Variants in TDRD7 observed in about 807,000 individuals in gnomAD.
TDRD7 encodes the protein tudor domain-containing protein 7.
In TDRD7, 47 loss-of-function variants were observed where a neutral mutation model predicts 109.8. The ratio of observed to expected loss-of-function variants is 0.43; its 90% CI spans 0.34 to 0.55. The LOEUF is 0.55. TDRD7 is among the 20% of genes least tolerant of loss of function. The pLI is 0.03. For missense variants in TDRD7, 1,164 were observed against 1,319.2 expected (o/e 0.88, Z 1.82); for synonymous variants, 424 against 457.3 (o/e 0.93, Z 0.93).
intron 4 of TDRD7, among the ~76,000 whole-genome samples, chr9:97,438,096 A>C (rs1054411312): frequency 1.3e-5 from 2 of 152,080 alleles, no homozygotes; most frequent in Non-Finnish European, 2.9e-5. Flanking sequence ...GGAAGCTTCC[A>C]GTTTACATGT....
chr9:97,429,260 T>C (rs531806630), intron 2 of TDRD7, among the ~76,000 whole-genome samples: 1 of 152,338 alleles, frequency 6.6e-6, no homozygotes, highest in South Asian at 2.1e-4. Flanking sequence ...ATAGATAGTA[T>C]AGGCCATTTA....
chr9:97,441,755 A>C lies in TDRD7; in HGVS notation c.735A>C (p.Leu245=). The change falls in exon 6 of 17, where the codon CTA becomes CTC. Residue 245 remains leucine (L), a synonymous_variant. Coordinates refer to ENST00000355295, the MANE Select transcript of TDRD7 (RefSeq NM_014290.3). ...TTCAAAATCGCATAAAGGAAATACTAAACAAGCATAACAATGGCATTTGGA... is the reference window on the plus strand; with the variant it reads ...TTCAAAATCGCATAAAGGAAATACTCAACAAGCATAACAATGGCATTTGGA... ...DEVQNRIKEI[L]NKHNNGIWIS... is the part of the protein sequence containing the mutation. 1.9e-6 allele frequency: 3 copies of C among 1,613,868 alleles called. No homozygotes were observed. The South Asian group carries it at 3.3e-5, about 18-fold the overall frequency.
intron 6 of TDRD7, among the ~76,000 whole-genome samples, chr9:97,458,149 A>C (rs982984324): frequency 6.6e-6 from 1 of 152,204 alleles, no homozygotes; most frequent in Non-Finnish European, 1.5e-5. Flanking sequence ...ATGAACCTAT[A>C]TAATGGAGTA....
At chr9:97,474,361 A>C (rs1028049847) in intron 11 of TDRD7, among the ~76,000 whole-genome samples, 4 of 152,054 alleles carry the variant, frequency 2.6e-5, no homozygotes, top group Non-Finnish European at 4.4e-5. Context: ...TCTTCCCTCT[A>C]ACCCACAAAG....
At chr9:97,435,911 C>T (rs1487790118) in intron 4 of TDRD7, among the ~76,000 whole-genome samples, 1 of 152,010 alleles carries the variant, frequency 6.6e-6, no homozygotes, top group Non-Finnish European at 1.5e-5. Flanking sequence ...TTGAGGTCAC[C>T]AAACCTCTTG....
At chr9:97,492,851 A>C (rs1829330567) in intron 16 of TDRD7, among the ~76,000 whole-genome samples, 1 of 152,214 alleles carries the variant, frequency 6.6e-6, no homozygotes, top group Non-Finnish European at 1.5e-5. Flanking sequence ...TGGAACTATT[A>C]AACTATATGT....
chr9:97,451,283 T>TAC (rs1259844787), intron 6 of TDRD7, among the ~76,000 whole-genome samples: 3 of 152,070 alleles, frequency 2.0e-5, no homozygotes, highest in South Asian at 2.1e-4. Flanking sequence ...ATATCTGCCA[T>TAC]ACACACACAC....
chr9:97,492,186 T>C (rs1829319707), intron 16 of TDRD7, among the ~76,000 whole-genome samples: 1 of 152,200 alleles, frequency 6.6e-6, no homozygotes, highest in Non-Finnish European at 1.5e-5. Context: ...TGTTCAGCTT[T>C]TTGTTTCTTA....
chr9:97,436,048 G>A (rs1587865187), intron 4 of TDRD7, among the ~76,000 whole-genome samples: 1 of 152,026 alleles, frequency 6.6e-6, no homozygotes. Context: ...CAAGAGTTCC[G>A]GTTAAGAACT....
rs763181413 is a variant in TDRD7, at chr9:97,475,458, T to G, written c.2155T>G (p.Leu719Val). The change falls in exon 12 of 17, where the codon TTA (leucine) becomes GTA (valine). Residue 719 changes from leucine to valine, a missense_variant. Transcript: ENST00000355295. ...ICLFHCKGKWLRVEITNVHSS... is the reference protein window; with the variant it reads ...ICLFHCKGKWVRVEITNVHSS... The stretch of plus-strand genomic sequence containing the variant: ...CCTCTTCCATTGCAAAGGAAAATGG[T>G]TACGAGTAGAGGTAAAAATCAGTCA... 6.2e-7 allele frequency: 1 copy of G among 1,612,114 alleles called. No homozygotes were observed. The highest frequency in any genetic ancestry group is 1.1e-5 in the South Asian group (1 of 90,940).
intron 1 of TDRD7, among the ~76,000 whole-genome samples, chr9:97,423,010 A>G (rs1313140752): frequency 1.3e-5 from 2 of 152,190 alleles, no homozygotes; most frequent in East Asian, 3.8e-4. Context: ...GTCTTTGTAT[A>G]GTTTTTGTAT....
intron 15 of TDRD7, among the ~76,000 whole-genome samples, chr9:97,486,562 A>T (rs1057246791): frequency 6.6e-6 from 1 of 151,698 alleles, no homozygotes; most frequent in African/African-American, 2.4e-5. Context: ...AAAATTGCAA[A>T]CTTTTTTTGT....
intron 12 of TDRD7, among the ~76,000 whole-genome samples, chr9:97,478,233 C>T (rs1587890458): frequency 1.3e-5 from 2 of 151,986 alleles, no homozygotes; most frequent in East Asian, 3.9e-4. Context: ...TGCACTCCAG[C>T]CTGGGTGACA....
At chr9:97,441,530 C>A in intron 5 of TDRD7, 128 bp from the exon 6 acceptor site, 1 of 779,362 alleles carries the variant, frequency 1.3e-6, no homozygotes, top group South Asian at 1.6e-5. Context: ...TAATCCTGCT[C>A]CCTTCTAAGT....
At chr9:97,439,482 GA>G (rs1564198722) in intron 5 of TDRD7, among the ~76,000 whole-genome samples, 164 bp downstream of exon 5, 1 of 152,150 alleles carries the variant, frequency 6.6e-6, no homozygotes, top group Non-Finnish European at 1.5e-5. Flanking sequence ...GATCTTAAGA[GA>G]AAATGGTGCC....
At chr9:97,481,396 T>C (rs901369487) in intron 14 of TDRD7, among the ~76,000 whole-genome samples, 1 of 152,244 alleles carries the variant, frequency 6.6e-6, no homozygotes, top group Non-Finnish European at 1.5e-5. Context: ...AAAGTTTATT[T>C]AATCTGCCAT....
At chr9:97,453,136 T>G (rs1828528981) in intron 6 of TDRD7, among the ~76,000 whole-genome samples, 1 of 152,210 alleles carries the variant, frequency 6.6e-6, no homozygotes, top group African/African-American at 2.4e-5. Context: ...TTAGATAAGA[T>G]GGGTTATCGT....
chr9:97,496,116 C>A lies in TDRD7; in HGVS notation c.*233C>A, dbSNP rs899009333. ...ATAATATTAGAATAAAAATGTTTATCAATATAAAAGCTGACTACCTTTTAA... is the reference window on the plus strand; with the variant it reads ...ATAATATTAGAATAAAAATGTTTATAAATATAAAAGCTGACTACCTTTTAA... On this transcript the variant is annotated 3_prime_UTR_variant, in exon 17 of 17. Transcript: ENST00000355295. 2.2e-6 allele frequency: 1 copy of A among 459,310 alleles called. No homozygotes were observed. Among genetic ancestry groups the A allele is most frequent in the Non-Finnish European group, 3.9e-6 (1 of 253,236 alleles). 28.5% of individuals were successfully genotyped at this position (459,310 alleles called of 1,614,324 possible).
chr9:97,450,049 A>G (rs1190472976), intron 6 of TDRD7, among the ~76,000 whole-genome samples: 1 of 152,162 alleles, frequency 6.6e-6, no homozygotes, highest in Non-Finnish European at 1.5e-5. Context: ...ACTTACGGGA[A>G]TAGAAAGTTT....
Sources: gnomAD v4.1 joint callset for allele counts (sites outside exome capture counted in the v4.1 genomes callset) on GRCh38, gnomAD v4.1.1 for gene constraint, MANE v1.5 for transcripts, NCBI Gene and HGNC (gene_info 2026-07-23, HGNC 2026-07-21) for gene names.